The following CFAP43 variants were observed in gnomAD, a reference collection of about 807,000 sequenced individuals.
CFAP43 encodes the protein cilia- and flagella-associated protein 43.
Under a neutral mutation model 218.9 loss-of-function variants are expected in CFAP43, and 155 were observed. The ratio of observed to expected loss-of-function variants is 0.71; its 90% CI spans 0.62 to 0.81. CFAP43 has a LOEUF of 0.81. CFAP43 is among the 30% of genes least tolerant of loss of function. The pLI is 0.00. For synonymous variants in CFAP43, 645 were observed against 681.3 expected, an observed-to-expected ratio of 0.95 and a Z score of 0.83; for missense variants, 1,778 against 1,954.3, an observed-to-expected ratio of 0.91 and a Z score of 1.70.
intron 34 of CFAP43, among the ~76,000 whole-genome samples, chr10:104,136,830 C>T (rs1053653562): frequency 1.3e-5 from 2 of 152,020 alleles, no homozygotes; most frequent in Non-Finnish European, 2.9e-5. Flanking sequence ...AGTCATTTGT[C>T]CAAAGATATA....
intron 31 of CFAP43, among the ~76,000 whole-genome samples, chr10:104,144,345 T>G (rs1199152093): frequency 1.3e-5 from 2 of 152,150 alleles, no homozygotes; most frequent in African/African-American, 4.8e-5. Context: ...TAATTATCAC[T>G]CACTCTTTTA....
Position 104,182,502 on chromosome 10 carries a change from C to T in CFAP43, c.2153G>A (p.Gly718Glu), listed in dbSNP as rs762911591. 6.3e-7 allele frequency: 1 copy of T among 1,588,212 alleles called. No individual in the cohort carries two copies. The highest frequency in any genetic ancestry group is 1.2e-5 in the South Asian group (1 of 85,606). ...GTCCAGAATTTCACTGGCTAGGTGTCCTCCAAATCGCCTATATTAATAAAA... is the reference window on the plus strand; with the variant it reads ...GTCCAGAATTTCACTGGCTAGGTGTTCTCCAAATCGCCTATATTAATAAAA... ...LVYLKWKRFG[G>E]HLASEILDYY... is the part of the protein sequence containing the mutation. Residue 718 changes from glycine to glutamate, a missense_variant, in exon 17 of 38, where the codon GGA (glycine) becomes GAA (glutamate). Gly to Glu is a moderately conservative substitution (Grantham distance 98). Coordinates refer to ENST00000357060, the MANE Select transcript of CFAP43 (RefSeq NM_025145.7).
At chr10:104,178,941 A>C (rs1051273190) in intron 19 of CFAP43, 88 bp downstream of exon 19, 38 of 926,636 alleles carry the variant, frequency 4.1e-5, no homozygotes, top group Non-Finnish European at 6.0e-5. Context: ...AGGGAGGTAT[A>C]GTTCCTCAGG....
chr10:104,146,900 C>G (rs2088003030), intron 29 of CFAP43, among the ~76,000 whole-genome samples: 1 of 152,076 alleles, frequency 6.6e-6, no homozygotes, highest in African/African-American at 2.4e-5. Context: ...ATGAGTTGTC[C>G]CGCTTCTAAT....
intron 19 of CFAP43, among the ~76,000 whole-genome samples, chr10:104,173,707 C>G (rs548839810): frequency 5.9e-5 from 9 of 152,190 alleles, no homozygotes; most frequent in Non-Finnish European, 1.3e-4. Context: ...ACACCACCCA[C>G]CCCTTCACTT....
At chr10:104,145,625 C>T (rs201679988) in intron 30 of CFAP43, 61 bp from the exon 31 acceptor site, 1 of 744,688 alleles carries the variant, frequency 1.3e-6, no homozygotes, top group Non-Finnish European at 1.9e-6. Flanking sequence ...TATTTGTTGA[C>T]AATACTCTTC....
intron 24 of CFAP43, 61 bp downstream of exon 24, chr10:104,164,033 A>C (rs2089017751): frequency 2.6e-6 from 4 of 1,567,162 alleles, no homozygotes; most frequent in South Asian, 2.3e-5. Context: ...AAGTTGAACA[A>C]ATAGGAGCTG....
At chr10:104,136,862 A>C (rs2087477788) in intron 34 of CFAP43, among the ~76,000 whole-genome samples, 1 of 152,222 alleles carries the variant, frequency 6.6e-6, no homozygotes, top group Admixed American at 6.5e-5. Flanking sequence ...CAAGCATATG[A>C]AAAGATGCTC....
At chr10:104,144,736 A>T (rs1194230554) in intron 31 of CFAP43, among the ~76,000 whole-genome samples, 3 of 152,264 alleles carry the variant, frequency 2.0e-5, no homozygotes, top group Admixed American at 6.5e-5. Context: ...TATCTCAAAC[A>T]CAAACTAGCT....
At chr10:104,132,981 C>G (rs1217266091) in intron 35 of CFAP43, 1 of 190,780 alleles carries the variant, frequency 5.2e-6, no homozygotes, top group Non-Finnish European at 9.6e-6. Flanking sequence ...CTTGGAAAAT[C>G]AAGAAAGGTT....
At chr10:104,170,401 CA>C (rs1244245878) in intron 20 of CFAP43, among the ~76,000 whole-genome samples, 1 of 151,906 alleles carries the variant, frequency 6.6e-6, no homozygotes, top group Non-Finnish European at 1.5e-5. Flanking sequence ...TTCAGTGGGC[CA>C]GGGGAGCAGG....
At chr10:104,186,151 A>T (rs751390704) in intron 14 of CFAP43, 28 bp from the exon 15 acceptor site, 29 of 1,457,788 alleles carry the variant, frequency 2.0e-5, no homozygotes, top group Admixed American at 7.7e-5. Flanking sequence ...TAACCACATT[A>T]TAGAAAAGAT....
In CFAP43 at chr10:104,219,453, G is replaced by T. The variant is rs568214792; in HGVS notation, c.417-5027C>A. ...CGAAAGTATTGGAGATACTTTCATTGGAAATAATTGGCTGAAAGGAATCTT... is the reference window on the plus strand; with the variant it reads ...CGAAAGTATTGGAGATACTTTCATTTGAAATAATTGGCTGAAAGGAATCTT... On this transcript the variant is annotated intron_variant, in intron 3 of 37. Coordinates refer to ENST00000357060, the MANE Select transcript of CFAP43 (RefSeq NM_025145.7). Among the ~76,000 whole-genome samples the T allele has an allele frequency of 5.9e-5, 9 of 152,200 alleles. No individual in the cohort carries two copies. In the East Asian group the frequency reaches 1.7e-3, roughly 29 times the overall value.
Position 104,131,478 on chromosome 10 carries a change from T to C in CFAP43, c.4684A>G (p.Lys1562Glu). Residue 1562 changes from lysine to glutamate, a missense_variant, in exon 37 of 38, where the codon AAA (lysine) becomes GAA (glutamate). Physicochemically the swap from Lys to Glu is moderately conservative, Grantham distance 56. Coordinates refer to ENST00000357060, the MANE Select transcript of CFAP43 (RefSeq NM_025145.7). ...TTCTTGCAGTTTTCCACATTCTTTT[T>C]GTGCATCTGAAATTTTTGTTCCCAT... ...QTIAVLDKMH[K>E]KNVENCKKLL... is the part of the protein sequence containing the mutation. 1 of 1,607,272 alleles carries C rather than the reference T, an allele frequency of 6.2e-7. No homozygotes were observed. Among genetic ancestry groups the C allele is most frequent in the East Asian group, 2.2e-5 (1 of 44,750 alleles).
intron 26 of CFAP43, among the ~76,000 whole-genome samples, chr10:104,161,459 A>G (rs1278372255): frequency 6.6e-6 from 1 of 152,182 alleles, no homozygotes; most frequent in East Asian, 1.9e-4. Context: ...AACCTATGTC[A>G]GGTATCAAAG....
chr10:104,178,773 A>T (rs1311097076), intron 19 of CFAP43, among the ~76,000 whole-genome samples: 2 of 152,228 alleles, frequency 1.3e-5, no homozygotes, highest in Admixed American at 1.3e-4. Context: ...ATCTGTAAAA[A>T]TATAAATGCA....
At position 104,230,804 on chromosome 10, in the gene CFAP43, G is replaced by A. The variant is rs1333712519; in HGVS notation, c.105C>T (p.Val35=). 4 of 1,613,132 alleles carry A rather than the reference G, an allele frequency of 2.5e-6. No individual in the cohort carries two copies. The highest frequency in any genetic ancestry group is 3.4e-6 in the Non-Finnish European group (4 of 1,179,852). ...AAGGGTAGCAAATGGTGTTGTCGTTGACAAAATGAACATTCTGCTTAGGGA... is the reference window on the plus strand; with the variant it reads ...AAGGGTAGCAAATGGTGTTGTCGTTAACAAAATGAACATTCTGCTTAGGGA... ...QGFPKQNVHF[V]NDNTICYPCG... is the part of the protein sequence containing the mutation. The change falls in exon 2 of 38, where the codon GTC becomes GTT. Residue 35 remains valine, a synonymous_variant. Coordinates refer to ENST00000357060, the MANE Select transcript of CFAP43 (RefSeq NM_025145.7).
chr10:104,215,359 T>C (rs910143560), intron 3 of CFAP43, among the ~76,000 whole-genome samples: 9 of 152,164 alleles, frequency 5.9e-5, no homozygotes, highest in African/African-American at 2.2e-4. Flanking sequence ...GAGCTAATAT[T>C]GATTGAGCTT....
chr10:104,175,530 A>G (rs1426435631), intron 19 of CFAP43, among the ~76,000 whole-genome samples: 1 of 152,224 alleles, frequency 6.6e-6, no homozygotes, highest in South Asian at 2.1e-4. Context: ...ATATCATGTC[A>G]AAAGGGGCAT....
Sources: allele counts gnomAD v4.1 joint callset (sites outside exome capture counted in the v4.1 genomes callset), GRCh38; gene constraint gnomAD v4.1.1; transcripts MANE v1.5; gene names NCBI Gene and HGNC (gene_info 2026-07-23, HGNC 2026-07-21).